Variants in WWC2 observed in about 807,000 individuals in gnomAD.
WWC2 encodes WW and C2 domain containing 2, also known as protein WWC2.
WWC2 carries 101 observed loss-of-function variants against 138.5 expected under a neutral mutation model. That is an observed-to-expected ratio of 0.73 (90% CI 0.62 to 0.86). The LOEUF (loss-of-function observed/expected upper bound fraction) is 0.86, where lower values mean the gene tolerates loss of function less well. Among genes scored for constraint, WWC2 ranks in the 40% least tolerant of loss-of-function variants. The pLI, the probability that WWC2 is intolerant of heterozygous loss-of-function variation, is 0.00. For missense variants in WWC2, 1,420 were observed against 1,419.4 expected (o/e 1.00, Z -0.01); for synonymous variants, 558 against 538.4 (o/e 1.04, Z -0.50).
At chr4:183,156,495 C>T (rs1733809019) in intron 1 of WWC2, among the ~76,000 whole-genome samples, 3 of 152,086 alleles carry the variant, frequency 2.0e-5, no homozygotes. Context: ...CCATGCCTGG[C>T]TAGTTTTTGT....
At chr4:183,205,655 G>A (rs1341789036) in intron 2 of WWC2, among the ~76,000 whole-genome samples, 1 of 152,094 alleles carries the variant, frequency 6.6e-6, no homozygotes, top group Non-Finnish European at 1.5e-5. Context: ...TTGCTGACCA[G>A]CTTGGTCTTT....
intron 4 of WWC2, among the ~76,000 whole-genome samples, chr4:183,211,643 G>A (rs905646341): frequency 1.3e-5 from 2 of 152,150 alleles, no homozygotes; most frequent in Non-Finnish European, 2.9e-5. Flanking sequence ...TTCGATAGAT[G>A]CTGAACTTCA....
At chr4:183,310,303 G>A (rs1579078024) in intron 21 of WWC2, among the ~76,000 whole-genome samples, 1 of 152,138 alleles carries the variant, frequency 6.6e-6, no homozygotes, top group Admixed American at 6.5e-5. Context: ...ATGAGTCGGG[G>A]CAGGGAGTCA....
At chr4:183,120,539 A>G (rs1375482045) in intron 1 of WWC2, among the ~76,000 whole-genome samples, 1 of 152,206 alleles carries the variant, frequency 6.6e-6, no homozygotes, top group Non-Finnish European at 1.5e-5. Flanking sequence ...GATTATGTGT[A>G]TACTGCACTG....
chr4:183,170,999 TGAA>T (rs1330793381), intron 1 of WWC2, among the ~76,000 whole-genome samples: 3 of 152,338 alleles, frequency 2.0e-5, no homozygotes, highest in Non-Finnish European at 4.4e-5. Context: ...CTTTGTAAAA[TGAA>T]GAGAGAATGT....
chr4:183,181,533 G>A (rs180802341), intron 1 of WWC2, among the ~76,000 whole-genome samples: 1 of 152,176 alleles, frequency 6.6e-6, no homozygotes, highest in African/African-American at 2.4e-5. Flanking sequence ...AATACAGTAC[G>A]GTACTGTAAA....
intron 5 of WWC2, among the ~76,000 whole-genome samples, chr4:183,245,045 G>A (rs1339129185): frequency 3.3e-5 from 5 of 151,900 alleles, no homozygotes; most frequent in Admixed American, 3.3e-4. Context: ...TGGCCAACAT[G>A]GTGAAACCCC....
intron 1 of WWC2, among the ~76,000 whole-genome samples, chr4:183,149,668 C>G (rs1235417194): frequency 6.8e-6 from 1 of 146,978 alleles, no homozygotes; most frequent in African/African-American, 2.5e-5. Context: ...TATAGCTTCT[C>G]TCTTTTTTTT....
chr4:183,197,540 G>C (rs1457077193), intron 2 of WWC2, among the ~76,000 whole-genome samples: 10 of 152,286 alleles, frequency 6.6e-5, no homozygotes, highest in African/African-American at 2.2e-4. Context: ...GACTGTGAAA[G>C]TTATTTTAGG....
chr4:183,121,107 A>G (rs541050003), intron 1 of WWC2, among the ~76,000 whole-genome samples: 35 of 152,144 alleles, frequency 2.3e-4, no homozygotes, highest in Non-Finnish European at 4.9e-4. Flanking sequence ...AGTCCCAGCT[A>G]CTTGGGAGGC....
chr4:183,167,743 C>T (rs914403093), intron 1 of WWC2, among the ~76,000 whole-genome samples: 14 of 151,698 alleles, frequency 9.2e-5, no homozygotes, highest in Non-Finnish European at 1.9e-4. Flanking sequence ...GCTTTGGGAA[C>T]AGGAAAGGGA....
chr4:183,139,179 G>T (rs1050482548), intron 1 of WWC2, among the ~76,000 whole-genome samples: 1 of 152,190 alleles, frequency 6.6e-6, no homozygotes, highest in Non-Finnish European at 1.5e-5. Context: ...TTTAATCAAG[G>T]TTCAGTTGGG....
intron 1 of WWC2, among the ~76,000 whole-genome samples, chr4:183,171,443 T>C (rs1734276108): frequency 6.6e-6 from 1 of 152,240 alleles, no homozygotes; most frequent in South Asian, 2.1e-4. Flanking sequence ...TTATATTATG[T>C]ATTTTGGAGT....
intron 1 of WWC2, among the ~76,000 whole-genome samples, chr4:183,111,586 T>C (rs1399567320): frequency 6.6e-6 from 1 of 152,208 alleles, no homozygotes; most frequent in East Asian, 1.9e-4. Context: ...CTTACTGGTC[T>C]AGGTGTAATT....
chr4:183,227,739 T>C (rs1373532798), intron 4 of WWC2, among the ~76,000 whole-genome samples: 1 of 152,036 alleles, frequency 6.6e-6, no homozygotes, highest in East Asian at 1.9e-4. Flanking sequence ...CGTGTTTTCT[T>C]ATACCTTCAG....
chr4:183,214,859 T>C (rs569175749), intron 4 of WWC2, among the ~76,000 whole-genome samples: 4 of 152,284 alleles, frequency 2.6e-5, no homozygotes, highest in Non-Finnish European at 5.9e-5. Context: ...ATGAGAGATA[T>C]CCTTATTCTC....
intron 5 of WWC2, among the ~76,000 whole-genome samples, 179 bp from the exon 6 acceptor site, chr4:183,245,225 TAAAAAAAAAAAA>T (rs746541290): frequency 4.3e-5 from 3 of 69,478 alleles, no homozygotes; most frequent in South Asian, 5.4e-4. Context: ...AGACTCCATC[TAAAAAAAAAAAA>T]AAAAAAAAAA....
At chr4:183,250,015 T>C in intron 8 of WWC2, 22 bp downstream of exon 8, 1 of 1,601,040 alleles carries the variant, frequency 6.2e-7, no homozygotes, top group Non-Finnish European at 8.6e-7. Flanking sequence ...GAAGCTGTTT[T>C]GTGCATGGCT....
intron 21 of WWC2, 54 bp downstream of exon 21, chr4:183,289,689 G>T: frequency 1.3e-6 from 2 of 1,584,536 alleles, no homozygotes; most frequent in Non-Finnish European, 1.7e-6. Flanking sequence ...TTTTTAAAGC[G>T]TGCCATGTAG....
Sources: gnomAD v4.1 joint callset for allele counts (sites outside exome capture counted in the v4.1 genomes callset) on GRCh38, gnomAD v4.1.1 for gene constraint, MANE v1.5 for transcripts, NCBI Gene and HGNC (gene_info 2026-07-23, HGNC 2026-07-21) for gene names.